Variants in ST6GALNAC5 observed in about 807,000 individuals in gnomAD.
ST6GALNAC5 encodes the protein alpha-N-acetylgalactosaminide alpha-2,6-sialyltransferase 5.
Under a neutral mutation model 33.6 loss-of-function variants are expected in ST6GALNAC5, and 27 were observed. The ratio of observed to expected loss-of-function variants is 0.80; its 90% CI spans 0.59 to 1.11. The LOEUF (loss-of-function observed/expected upper bound fraction) is 1.11. Ranked by LOEUF, ST6GALNAC5 falls within the 50% of genes least tolerant of loss-of-function variation. The pLI, the probability that ST6GALNAC5 is intolerant of heterozygous loss-of-function variation, is 0.00. For missense variants in ST6GALNAC5, 428 were observed against 454.0 expected (o/e 0.94, Z 0.52); for synonymous variants, 194 against 171.2 (o/e 1.13, Z -1.04).
intron 2 of ST6GALNAC5, among the ~76,000 whole-genome samples, chr1:76,923,039 CA>C (rs1253324627): frequency 6.6e-6 from 1 of 151,542 alleles, no homozygotes; most frequent in Non-Finnish European, 1.5e-5. Context: ...CATCCATAGG[CA>C]AAAAGAAAGC....
chr1:77,048,642 GCCC>G (rs578207451), intron 3 of ST6GALNAC5, among the ~76,000 whole-genome samples: 32 of 152,248 alleles, frequency 2.1e-4, no homozygotes, highest in African/African-American at 7.5e-4. Flanking sequence ...TCCCTACACA[GCCC>G]CCAGTAGCAG....
chr1:76,931,080 C>T (rs1042942694), intron 2 of ST6GALNAC5, among the ~76,000 whole-genome samples: 2 of 152,122 alleles, frequency 1.3e-5, no homozygotes, highest in Non-Finnish European at 2.9e-5. Flanking sequence ...GGAGTTTCTC[C>T]TTTGCTTGAT....
At chr1:77,027,825 C>A (rs74090586) in intron 2 of ST6GALNAC5, among the ~76,000 whole-genome samples, 3,441 of 152,202 alleles carry the variant, frequency 0.023, 127 homozygotes, top group African/African-American at 0.079. Flanking sequence ...TTATTTAATA[C>A]CAGATATCAT....
intron 2 of ST6GALNAC5, among the ~76,000 whole-genome samples, chr1:77,001,588 C>T (rs570397387): frequency 2.0e-5 from 3 of 151,702 alleles, no homozygotes; most frequent in Admixed American, 6.6e-5. Flanking sequence ...GAAGGGAATG[C>T]TTCCAGTTTT....
chr1:76,926,118 C>T (rs1290146114), intron 2 of ST6GALNAC5, among the ~76,000 whole-genome samples: 3 of 152,156 alleles, frequency 2.0e-5, no homozygotes. Flanking sequence ...TTCCATGGCT[C>T]TTCTCTTCCT....
At chr1:77,040,804 G>A (rs139999646) in intron 2 of ST6GALNAC5, among the ~76,000 whole-genome samples, 55 of 152,260 alleles carry the variant, frequency 3.6e-4, no homozygotes, top group African/African-American at 1.3e-3. Context: ...GCTTCCCATG[G>A]CCTTAGGGTC....
intron 2 of ST6GALNAC5, among the ~76,000 whole-genome samples, chr1:77,026,877 T>C (rs1651260325): frequency 6.6e-6 from 1 of 152,200 alleles, no homozygotes; most frequent in Admixed American, 6.5e-5. Context: ...TGGAACACAC[T>C]CCTGGATTCT....
At chr1:76,958,659 G>C (rs1418860781) in intron 2 of ST6GALNAC5, among the ~76,000 whole-genome samples, 2 of 152,068 alleles carry the variant, frequency 1.3e-5, no homozygotes, top group South Asian at 2.1e-4. Context: ...GTGATGGGAT[G>C]GGGGTGGTAG....
chr1:76,980,027 C>CAAGG (rs1163781472), intron 2 of ST6GALNAC5, among the ~76,000 whole-genome samples: 1 of 152,034 alleles, frequency 6.6e-6, no homozygotes, highest in Non-Finnish European at 1.5e-5. Flanking sequence ...TTGGACTGAG[C>CAAGG]AAGGATCTTT....
intron 2 of ST6GALNAC5, among the ~76,000 whole-genome samples, chr1:76,879,133 T>TAG (rs928243955): frequency 1.2e-4 from 18 of 152,180 alleles, no homozygotes. Flanking sequence ...GGGTATGTCT[T>TAG]CTGGAACCTC....
chr1:76,984,014 G>A (rs1649373909), intron 2 of ST6GALNAC5, among the ~76,000 whole-genome samples: 1 of 152,250 alleles, frequency 6.6e-6, no homozygotes, highest in African/African-American at 2.4e-5. Context: ...TTAAAGCAGT[G>A]TGTAGAGGGA....
At chr1:77,046,429 A>G (rs1652011269) in intron 3 of ST6GALNAC5, among the ~76,000 whole-genome samples, 1 of 152,222 alleles carries the variant, frequency 6.6e-6, no homozygotes, top group African/African-American at 2.4e-5. Context: ...AAACCTTGTG[A>G]CTAGTCAAGG....
rs532651044 is a variant in ST6GALNAC5, at chr1:76,867,929, G to T, written c.15+239G>T. Among the ~76,000 whole-genome samples, 3 of 152,310 alleles carry T rather than the reference G, an allele frequency of 2.0e-5. No individual in the cohort carries two copies. In the South Asian group the frequency reaches 6.2e-4, roughly 32 times the overall value. On this transcript the variant is annotated intron_variant, in intron 1 of 4. Transcript: ENST00000477717. The stretch of plus-strand genomic sequence containing the variant: ...CTCGCCTCCTAGATCTCCGGCGAGA[G>T]GTCCGAGGGGGTGGCGGAGAGCTGC...
intron 2 of ST6GALNAC5, among the ~76,000 whole-genome samples, chr1:77,000,840 CATTGATCT>C (rs1354648424): frequency 6.6e-6 from 1 of 152,106 alleles, no homozygotes; most frequent in African/African-American, 2.4e-5. Flanking sequence ...CGTTTTGTTC[CATTGATCT>C]ATATCTCTGT....
intron 2 of ST6GALNAC5, among the ~76,000 whole-genome samples, chr1:77,037,498 C>A (rs148970491): frequency 1.3e-5 from 2 of 152,102 alleles, no homozygotes; most frequent in African/African-American, 4.8e-5. Flanking sequence ...CTCAGTATCA[C>A]ACATTATACC....
chr1:76,955,261 G>C (rs1251291530), intron 2 of ST6GALNAC5, among the ~76,000 whole-genome samples: 1 of 152,106 alleles, frequency 6.6e-6, no homozygotes, highest in East Asian at 1.9e-4. Flanking sequence ...CCTGTCTGGG[G>C]ACCTGACCAC....
At position 77,062,483 on chromosome 1, in the gene ST6GALNAC5, A is replaced by G. The variant is rs138538795; in HGVS notation, c.780-492A>G. Among the ~76,000 whole-genome samples the G allele has an allele frequency of 6.4e-3, 967 of 152,248 alleles. 4 individuals are homozygous for G. Among genetic ancestry groups the G allele is most frequent in the Non-Finnish European group, 0.01 (680 of 67,994 alleles). ...GACCAGAAAGGCCAGTATGGTGGGA[A>G]CATACTGGGAATCCACAAGGCTGGG... is the stretch of plus-strand genomic sequence containing the variant. On this transcript the variant is annotated intron_variant, in intron 4 of 4. Transcript: ENST00000477717.
Position 76,972,154 on chromosome 1 carries a change from G to A in ST6GALNAC5, c.262-72050G>A, listed in dbSNP as rs11162240. ...TAGCTGGGGAGGCCTCACAATCATG[G>A]TGGAAGGCGAAGGAGGAGCAAAGTC... On this transcript the variant is annotated intron_variant, in intron 2 of 4. Coordinates refer to ENST00000477717, the MANE Select transcript of ST6GALNAC5 (RefSeq NM_030965.3). 7.7e-3 allele frequency among the ~76,000 whole-genome samples: 1,178 copies of A among 152,298 alleles called. 16 individuals carry two copies. Among genetic ancestry groups the A allele is most frequent in the African/African-American group, 0.023 (966 of 41,558 alleles).
intron 2 of ST6GALNAC5, among the ~76,000 whole-genome samples, chr1:76,999,191 T>G (rs966912482): frequency 3.9e-5 from 6 of 152,192 alleles, no homozygotes; most frequent in African/African-American, 1.4e-4. Context: ...GGATTTCCCT[T>G]GTAGCGTGTT....
Sources: allele counts gnomAD v4.1 joint callset (sites outside exome capture counted in the v4.1 genomes callset), GRCh38; gene constraint gnomAD v4.1.1; transcripts MANE v1.5; gene names NCBI Gene and HGNC (gene_info 2026-07-23, HGNC 2026-07-21).